RTN4RL1: variants seen among roughly 807,000 people sequenced by gnomAD.
RTN4RL1 encodes reticulon-4 receptor-like 1.
A neutral mutation model predicts 25.6 loss-of-function variants in RTN4RL1; 7 were observed. That is an observed-to-expected ratio of 0.27 (90% CI 0.16 to 0.51). The LOEUF is 0.51. RTN4RL1 is among the 20% of genes least tolerant of loss of function. The pLI, the probability that RTN4RL1 is intolerant of heterozygous loss-of-function variation, is 0.97. For synonymous variants in RTN4RL1, 297 were observed against 288.2 expected (o/e 1.03, Z -0.31); for missense variants, 500 against 615.6 (o/e 0.81, Z 1.99).
intron 1 of RTN4RL1, among the ~76,000 whole-genome samples, chr17:1,973,474 C>A (rs573847294): frequency 1.3e-5 from 2 of 150,386 alleles, no homozygotes; most frequent in Non-Finnish European, 3.0e-5. Context: ...GCCGGGATCG[C>A]GCCATTGCAC....
At chr17:2,024,770 G>A in intron 1 of RTN4RL1, 83 bp downstream of exon 1, 1 of 1,409,096 alleles carries the variant, frequency 7.1e-7, no homozygotes, top group Non-Finnish European at 9.6e-7. Context: ...CAGACCGGGA[G>A]CCCCGGCGCC....
At chr17:1,951,325 T>C (rs1915672546) in intron 1 of RTN4RL1, among the ~76,000 whole-genome samples, 1 of 152,172 alleles carries the variant, frequency 6.6e-6, no homozygotes, top group African/African-American at 2.4e-5. Flanking sequence ...TTGAGGCTTT[T>C]CGCGACACAA....
At chr17:1,956,293 G>A (rs889305677) in intron 1 of RTN4RL1, among the ~76,000 whole-genome samples, 9 of 152,136 alleles carry the variant, frequency 5.9e-5, no homozygotes, top group African/African-American at 1.4e-4. Context: ...CTCCTAACGC[G>A]TACGGCGAAA....
chr17:1,980,376 T>G (rs2151316182), intron 1 of RTN4RL1, among the ~76,000 whole-genome samples: 1 of 152,106 alleles, frequency 6.6e-6, no homozygotes, highest in South Asian at 2.1e-4. Context: ...TGGCCTGATA[T>G]GTTTTCTTAA....
chr17:2,023,182 G>A (rs1434777439), intron 1 of RTN4RL1, among the ~76,000 whole-genome samples: 2 of 152,190 alleles, frequency 1.3e-5, no homozygotes, highest in African/African-American at 4.8e-5. Context: ...AGAGCTGTCT[G>A]GGAAGCCTTC....
chr17:2,015,703 G>C (rs1323558525), intron 1 of RTN4RL1, among the ~76,000 whole-genome samples: 3 of 152,174 alleles, frequency 2.0e-5, no homozygotes, highest in African/African-American at 7.2e-5. Flanking sequence ...GGTCTGGCTT[G>C]AGGAGTGAGA....
intron 1 of RTN4RL1, among the ~76,000 whole-genome samples, chr17:1,988,904 G>A (rs1160643997): frequency 6.6e-6 from 1 of 151,314 alleles, no homozygotes; most frequent in East Asian, 1.9e-4. Flanking sequence ...GGTGTGAGAT[G>A]AGGCTGGAGG....
At chr17:1,954,255 A>C (rs1250461979) in intron 1 of RTN4RL1, among the ~76,000 whole-genome samples, 1 of 151,990 alleles carries the variant, frequency 6.6e-6, no homozygotes, top group African/African-American at 2.4e-5. Context: ...GCTTACTACT[A>C]AAAAAAAGTC....
At chr17:1,947,581 C>T (rs1417503665) in intron 1 of RTN4RL1, among the ~76,000 whole-genome samples, 1 of 152,238 alleles carries the variant, frequency 6.6e-6, no homozygotes, top group African/African-American at 2.4e-5. Flanking sequence ...GTGGGCGGCC[C>T]CTTATTGGAA....
At chr17:2,008,763 C>A (rs2067020681) in intron 1 of RTN4RL1, among the ~76,000 whole-genome samples, 1 of 152,102 alleles carries the variant, frequency 6.6e-6, no homozygotes, top group Non-Finnish European at 1.5e-5. Flanking sequence ...TGCTCTCCAG[C>A]CTTTCCAACC....
intron 1 of RTN4RL1, among the ~76,000 whole-genome samples, chr17:2,002,803 G>A (rs1358256798): frequency 1.3e-5 from 2 of 152,182 alleles, no homozygotes; most frequent in African/African-American, 4.8e-5. Flanking sequence ...CGAGGAGGCA[G>A]GGGCAGCAGC....
rs1443024584 is a variant in RTN4RL1 at position 1,935,776 on chromosome 17, G to A, written c.*720C>T. ...ATATGTAGAGTGTGAATATATATAA[G>A]TGGACGTAGTTAGTTATAAAACTGC... On this transcript the variant is annotated 3_prime_UTR_variant, in exon 2 of 2. Coordinates refer to ENST00000331238, the MANE Select transcript of RTN4RL1 (RefSeq NM_178568.4). The A allele has an allele frequency of 8.3e-6, 7 of 841,770 alleles. No homozygotes were observed. The highest frequency in any genetic ancestry group is 4.0e-5 in the African/African-American group (2 of 49,908). 52.1% of individuals were successfully genotyped at this position (841,770 alleles called of 1,614,324 possible). A position where few individuals can be genotyped will look rare whatever the true frequency, so the allele number is the denominator to read the frequency against.
chr17:2,024,678 C>G (rs906694177), intron 1 of RTN4RL1, among the ~76,000 whole-genome samples, 175 bp downstream of exon 1: 2 of 152,126 alleles, frequency 1.3e-5, no homozygotes, highest in South Asian at 2.1e-4. Flanking sequence ...CACAACTGGC[C>G]GCTGACGGGA....
chr17:1,981,932 C>CCTAGG, intron 1 of RTN4RL1, among the ~76,000 whole-genome samples: 1 of 152,378 alleles, frequency 6.6e-6, no homozygotes, highest in South Asian at 2.1e-4. Flanking sequence ...GCCCACTGCT[C>CCTAGG]CTAGGCTACA....
At chr17:1,948,660 T>C (rs1020991712) in intron 1 of RTN4RL1, among the ~76,000 whole-genome samples, 2 of 150,362 alleles carry the variant, frequency 1.3e-5, no homozygotes, top group African/African-American at 4.9e-5. Context: ...ATACCATAGG[T>C]GTGTTTAGTG....
At chr17:1,964,201 T>C (rs1300570075) in intron 1 of RTN4RL1, among the ~76,000 whole-genome samples, 1 of 152,174 alleles carries the variant, frequency 6.6e-6, no homozygotes, top group African/African-American at 2.4e-5. Context: ...AAAGACTTAG[T>C]AAGAAAAAGA....
intron 1 of RTN4RL1, among the ~76,000 whole-genome samples, chr17:2,000,936 G>A (rs2066954232): frequency 6.6e-6 from 1 of 152,204 alleles, no homozygotes. Context: ...CATGGAAACA[G>A]CTGTGGCTCG....
At chr17:1,964,560 G>A (rs966223102) in intron 1 of RTN4RL1, among the ~76,000 whole-genome samples, 3 of 151,816 alleles carry the variant, frequency 2.0e-5, no homozygotes, top group Non-Finnish European at 4.4e-5. Flanking sequence ...GTGAAACCCC[G>A]TCTCTACTAA....
At chr17:1,954,974 C>A (rs931918478) in intron 1 of RTN4RL1, among the ~76,000 whole-genome samples, 1 of 152,212 alleles carries the variant, frequency 6.6e-6, no homozygotes, top group African/African-American at 2.4e-5. Flanking sequence ...TAATTCTCCT[C>A]GGACCCTCTG....
Sources: allele counts gnomAD v4.1 joint callset (sites outside exome capture counted in the v4.1 genomes callset), GRCh38; gene constraint gnomAD v4.1.1; transcripts MANE v1.5; gene names NCBI Gene and HGNC (gene_info 2026-07-23, HGNC 2026-07-21).